Variants in BGN observed in about 807,000 individuals in gnomAD.
The protein encoded by BGN is biglycan.
In BGN, 6 loss-of-function variants were observed where a neutral mutation model predicts 20.0. The observed-to-expected ratio is 0.30, with a 90% CI of 0.16 to 0.59. BGN has a LOEUF of 0.59. Ranked by LOEUF, BGN falls within the 20% of genes least tolerant of loss-of-function variation. The pLI is 0.88. For synonymous variants in BGN, 146 were observed against 134.6 expected (o/e 1.08, Z -0.59); for missense variants, 292 against 312.1 (o/e 0.94, Z 0.49).
Position 153,508,411 on chromosome X carries a change from G to A in BGN, c.1073G>A (p.Arg358His), listed in dbSNP as rs1387553935. The part of the protein sequence containing the change: ...QPATFRCVTD[R>H]LAIQFGNYKK ...GCCACTTTCCGCTGCGTCACTGACCGCCTGGCCATCCAGTTTGGCAACTAC... is the reference window on the plus strand; with the variant it reads ...GCCACTTTCCGCTGCGTCACTGACCACCTGGCCATCCAGTTTGGCAACTAC... Residue 358 changes from arginine to histidine, a missense_variant, in exon 8 of 8, where the codon CGC becomes CAC. Transcript: ENST00000331595. The A allele has an allele frequency of 3.1e-5, 37 of 1,210,731 alleles. No individual in the cohort carries two copies. Among genetic ancestry groups the A allele is most frequent in the East Asian group, 1.2e-4 (4 of 33,808 alleles).
At chrX:153,497,143 C>T (rs1310345407) in intron 1 of BGN, among the ~76,000 whole-genome samples, 2 of 104,365 alleles carry the variant, frequency 1.9e-5, no homozygotes, top group Non-Finnish European at 4.0e-5. Context: ...AATGTCTTCC[C>T]ATGCCCACCA....
chrX:153,506,460 C>G (rs782492275), intron 4 of BGN, 69 bp from the exon 5 acceptor site: 3 of 1,007,671 alleles, frequency 3.0e-6, no homozygotes, highest in Non-Finnish European at 4.1e-6. Context: ...CACACTGGCC[C>G]GGAAGTGACA....
intron 1 of BGN, among the ~76,000 whole-genome samples, chrX:153,500,409 A>T (rs1457882839): frequency 4.5e-5 from 5 of 111,603 alleles, no homozygotes; most frequent in African/African-American, 1.6e-4. Flanking sequence ...GTCCCTGAAG[A>T]CACACCCAGA....
At chrX:153,502,143 G>A (rs1402272582) in intron 1 of BGN, among the ~76,000 whole-genome samples, 1 of 112,411 alleles carries the variant, frequency 8.9e-6, no homozygotes, top group African/African-American at 3.2e-5. Flanking sequence ...AGGCCAATGC[G>A]TGGGTCCTGG....
intron 4 of BGN, 150 bp downstream of exon 4, chrX:153,506,226 T>C: frequency 1.4e-6 from 1 of 689,971 alleles, no homozygotes. Flanking sequence ...AAATCCTCCA[T>C]GCAGGCGATC....
chrX:153,505,345 C>G lies in BGN; in HGVS notation c.346C>G (p.Leu116Val). ...GGATGACTTCAAGGGTCTCCAGCAC[C>G]TCTACGTAAGGAGCTGGGAGGAACC... ...RKDDFKGLQHLYALVLVNNKI... is the reference protein window; with the variant it reads ...RKDDFKGLQHVYALVLVNNKI... Residue 116 changes from leucine to valine, a missense_variant, in exon 3 of 8, where the codon CTC becomes GTC. Leu to Val is a conservative substitution (Grantham distance 32). Transcript: ENST00000331595. 1 of 1,205,159 alleles carries G rather than the reference C, an allele frequency of 8.3e-7. No individual in the cohort carries two copies. Among genetic ancestry groups the G allele is most frequent in the Non-Finnish European group, 1.1e-6 (1 of 889,976 alleles).
intron 1 of BGN, among the ~76,000 whole-genome samples, chrX:153,496,384 C>T (rs1341227161): frequency 8.8e-6 from 1 of 113,111 alleles, no homozygotes; most frequent in East Asian, 2.8e-4. Context: ...CGGTGCCAGC[C>T]GCACCCCAGG....
intron 3 of BGN, 90 bp downstream of exon 3, chrX:153,505,440 G>A (rs1556992867): frequency 2.6e-6 from 2 of 783,707 alleles, no homozygotes; most frequent in Non-Finnish European, 3.7e-6. Context: ...TATGAGAGGG[G>A]TTCGGGGACT....
In BGN at chrX:153,500,363, G is replaced by C. The variant is rs139454738; in HGVS notation, c.-11-4258G>C. 9.4e-4 allele frequency among the ~76,000 whole-genome samples: 105 copies of C among 111,991 alleles called. 1 individual carries two copies. The East Asian group carries it at 0.027, about 29-fold the overall frequency. ...AAAGAGATGGTATCCAGGGAGCTCAGGGCACACTTTGGTGGGGCTTGAAAC... is the reference window on the plus strand; with the variant it reads ...AAAGAGATGGTATCCAGGGAGCTCACGGCACACTTTGGTGGGGCTTGAAAC... On this transcript the variant is annotated intron_variant, in intron 1 of 7. Transcript: ENST00000331595.
At chrX:153,505,199 G>C in intron 2 of BGN, 39 bp from the exon 3 acceptor site, 1 of 1,123,273 alleles carries the variant, frequency 8.9e-7, no homozygotes, top group Non-Finnish European at 1.2e-6. Context: ...GGGCCCCTAG[G>C]TCTCAAGTTC....
intron 2 of BGN, 93 bp downstream of exon 2, chrX:153,504,962 G>A: frequency 1.1e-6 from 1 of 918,672 alleles, no homozygotes; most frequent in East Asian, 3.1e-5. Flanking sequence ...TGGTCCTGTG[G>A]GACGGTGGCG....
chrX:153,506,422 G>A, intron 4 of BGN, 107 bp from the exon 5 acceptor site: 1 of 717,994 alleles, frequency 1.4e-6, no homozygotes, highest in Non-Finnish European at 2.1e-6. Context: ...TCAGGAGACG[G>A]GAGCAGCCGG....
chrX:153,501,844 C>T (rs1025684998), intron 1 of BGN, among the ~76,000 whole-genome samples: 6 of 112,459 alleles, frequency 5.3e-5, no homozygotes, highest in African/African-American at 1.6e-4. Flanking sequence ...CCTCCCTCCC[C>T]GCTCTGAGGG....
intron 7 of BGN, among the ~76,000 whole-genome samples, chrX:153,507,944 A>G (rs1221923660): frequency 8.9e-6 from 1 of 112,721 alleles, no homozygotes; most frequent in Non-Finnish European, 1.9e-5. Context: ...CCCGAGGCTC[A>G]GGCCACCTTT....
In BGN at chrX:153,500,799, A is replaced by G. The variant is rs781888358; in HGVS notation, c.-11-3822A>G. Reference sequence around the variant, plus strand: ...TGTGTGCATGTGTGTGCATGTGTGTATGTGTGCATGTGTGCATGTGTGTAT... The same window carrying G: ...TGTGTGCATGTGTGTGCATGTGTGTGTGTGTGCATGTGTGCATGTGTGTAT... On this transcript the variant is annotated intron_variant, in intron 1 of 7. Coordinates refer to ENST00000331595, the MANE Select transcript of BGN (RefSeq NM_001711.6). Among the ~76,000 whole-genome samples, 7 of 104,299 alleles carry G rather than the reference A, an allele frequency of 6.7e-5. No individual in the cohort carries two copies. The East Asian group carries it at 2.2e-3, about 33-fold the overall frequency. 90.6% of individuals were successfully genotyped at this position (104,299 alleles called of 115,157 possible). A position where few individuals can be genotyped will look rare whatever the true frequency, so the allele number is the denominator to read the frequency against.
Position 153,506,932 on chromosome X carries a change from A to T in BGN, c.770+9A>T. On this transcript the variant is annotated intron_variant, in intron 6 of 7. Coordinates refer to ENST00000331595, the MANE Select transcript of BGN (RefSeq NM_001711.6). ...TACTCCAAGCTGTACAGGTGAGGCCAGCAGGGCACCGCCCAAGGGTGATGC... is the reference window on the plus strand; with the variant it reads ...TACTCCAAGCTGTACAGGTGAGGCCTGCAGGGCACCGCCCAAGGGTGATGC... The T allele has an allele frequency of 8.3e-7, 1 of 1,210,409 alleles. No homozygotes were observed. Among genetic ancestry groups the T allele is most frequent in the Non-Finnish European group, 1.1e-6 (1 of 894,007 alleles).
chrX:153,505,818 G>T, intron 3 of BGN, 45 bp from the exon 4 acceptor site: 6 of 1,077,340 alleles, frequency 5.6e-6, no homozygotes, highest in South Asian at 2.0e-5. Context: ...GGGCGGGTGG[G>T]GTGGGGAGTC....
chrX:153,506,752 C>T (rs1166100790), intron 5 of BGN, 78 bp from the exon 6 acceptor site: 5 of 1,147,566 alleles, frequency 4.4e-6, no homozygotes, highest in South Asian at 3.6e-5. Flanking sequence ...TCAACAGTCC[C>T]CTCCCGCCAC....
At chrX:153,503,639 G>C (rs2089776793) in intron 1 of BGN, among the ~76,000 whole-genome samples, 4 of 111,771 alleles carry the variant, frequency 3.6e-5, no homozygotes, top group Non-Finnish European at 7.6e-5. Context: ...GATGAGGAGG[G>C]AGGAGGCAAG....
Sources: gnomAD v4.1 joint callset for allele counts (sites outside exome capture counted in the v4.1 genomes callset) on GRCh38, gnomAD v4.1.1 for gene constraint, MANE v1.5 for transcripts, NCBI Gene and HGNC (gene_info 2026-07-23, HGNC 2026-07-21) for gene names.